Variants in PLXNA4 observed in about 807,000 individuals in gnomAD.
The protein encoded by PLXNA4 is plexin-A4.
In PLXNA4, 44 loss-of-function variants were observed where a neutral mutation model predicts 191.8. The ratio of observed to expected loss-of-function variants is 0.23; its 90% CI spans 0.18 to 0.29. The LOEUF (loss-of-function observed/expected upper bound fraction) is 0.29, where lower values mean the gene tolerates loss of function less well. PLXNA4 is among the 10% of genes least tolerant of loss of function. The pLI is 1.00. For missense variants in PLXNA4, 1,800 were observed against 2,488.8 expected, an observed-to-expected ratio of 0.72 and a Z score of 5.89; for synonymous variants, 1,082 against 1,009.5, an observed-to-expected ratio of 1.07 and a Z score of -1.36.
intron 9 of PLXNA4, among the ~76,000 whole-genome samples, chr7:132,215,703 A>C (rs1797942142): frequency 6.6e-6 from 1 of 152,130 alleles, no homozygotes; most frequent in African/African-American, 2.4e-5. Flanking sequence ...TGGTTTAATC[A>C]ATCATGCCTA....
intron 21 of PLXNA4, among the ~76,000 whole-genome samples, chr7:132,171,380 A>T (rs1796281001): frequency 6.6e-6 from 1 of 152,182 alleles, no homozygotes; most frequent in Non-Finnish European, 1.5e-5. Context: ...TTGGCTCCCA[A>T]GTGCCCGTTC....
chr7:132,648,615 C>T (rs920406392), exon 1 of PLXNA4: 1 of 152,190 alleles, frequency 6.6e-6, no homozygotes, highest in Non-Finnish European at 1.5e-5. Context: ...TGGGCTGTGT[C>T]CCAAAACGCT....
At chr7:132,203,476 G>T (rs1317014447) in intron 10 of PLXNA4, 57 bp from the exon 11 acceptor site, 1 of 1,485,338 alleles carries the variant, frequency 6.7e-7, no homozygotes, top group African/African-American at 1.4e-5. Flanking sequence ...GAGTTCTAGA[G>T]AGGGCCCAAA....
chr7:132,220,401 TCC>T (rs1289478023), intron 9 of PLXNA4, among the ~76,000 whole-genome samples: 1 of 152,178 alleles, frequency 6.6e-6, no homozygotes, highest in Non-Finnish European at 1.5e-5. Context: ...CATTAGAGCT[TCC>T]TTTTCTTAGA....
chr7:132,409,604 T>A (rs1794367383), intron 3 of PLXNA4, among the ~76,000 whole-genome samples: 1 of 152,116 alleles, frequency 6.6e-6, no homozygotes, highest in Non-Finnish European at 1.5e-5. Flanking sequence ...GGGGGTTAAT[T>A]GGATTTTTCA....
At chr7:132,385,915 C>T (rs1249610639) in intron 3 of PLXNA4, among the ~76,000 whole-genome samples, 2 of 152,236 alleles carry the variant, frequency 1.3e-5, no homozygotes, top group African/African-American at 4.8e-5. Flanking sequence ...GCTGGAATCA[C>T]ATCGTTTTTG....
At chr7:132,610,219 G>A (rs1487988035) in intron 2 of PLXNA4, among the ~76,000 whole-genome samples, 1 of 152,216 alleles carries the variant, frequency 6.6e-6, no homozygotes, top group Admixed American at 6.5e-5. Context: ...AAGATGGCAG[G>A]AGCCCCAGCC....
At position 132,125,544 on chromosome 7, in the gene PLXNA4, C is replaced by CTATT. The variant is rs1794744493; in HGVS notation, c.*4931_*4934dup. On this transcript the variant is annotated 3_prime_UTR_variant, in exon 32 of 32. Transcript: ENST00000321063. ...GCAGGGCTCCCTTCTTACTTTCGAACTATTAAGATATACAAACAAAAACCA... is the reference window on the plus strand; with the variant it reads ...GCAGGGCTCCCTTCTTACTTTCGAACTATTTATTAAGATATACAAACAAAAACCA... 6.6e-6 allele frequency: 1 copy of CTATT among 151,888 alleles called. No individual in the cohort carries two copies. Among genetic ancestry groups the CTATT allele is most frequent in the Non-Finnish European group, 1.5e-5 (1 of 67,984 alleles). 9.4% of individuals were successfully genotyped at this position (151,888 alleles called of 1,614,324 possible). A position where few individuals can be genotyped will look rare whatever the true frequency, so the allele number is the denominator to read the frequency against.
intron 1 of PLXNA4, among the ~76,000 whole-genome samples, chr7:132,559,535 T>A (rs561666987): frequency 6.6e-6 from 1 of 152,304 alleles, no homozygotes; most frequent in South Asian, 2.1e-4. Flanking sequence ...CCCTGCACTG[T>A]CTGGGGCCTC....
chr7:132,184,618 C>T (rs1425140162), intron 16 of PLXNA4, among the ~76,000 whole-genome samples: 1 of 152,172 alleles, frequency 6.6e-6, no homozygotes, highest in Non-Finnish European at 1.5e-5. Flanking sequence ...AGGAAGAGTA[C>T]CAATTTGCCC....
chr7:132,151,412 G>GAA (rs1562885135), intron 25 of PLXNA4, among the ~76,000 whole-genome samples: 71 of 5,266 alleles, frequency 0.013, 9 homozygotes, highest in African/African-American at 0.083. Context: ...GAGGAGGAAG[G>GAA]AGGAGGAGGA....
chr7:132,169,725 G>A (rs902100252), intron 21 of PLXNA4, among the ~76,000 whole-genome samples: 3 of 152,062 alleles, frequency 2.0e-5, no homozygotes, highest in Non-Finnish European at 2.9e-5. Flanking sequence ...ACTCCTGGGG[G>A]ACTGGCCATG....
chr7:132,274,372 T>A (rs1204502001), intron 4 of PLXNA4, among the ~76,000 whole-genome samples: 5 of 152,126 alleles, frequency 3.3e-5, no homozygotes, highest in African/African-American at 1.2e-4. Context: ...AGCTTCTATA[T>A]CCCCTTCCCC....
chr7:132,604,502 G>C (rs371615364), intron 2 of PLXNA4, among the ~76,000 whole-genome samples: 1 of 152,166 alleles, frequency 6.6e-6, no homozygotes, highest in African/African-American at 2.4e-5. Flanking sequence ...GCTTGTGCTG[G>C]TTTCGTTACA....
chr7:132,245,823 A>G (rs1347834387), intron 4 of PLXNA4, among the ~76,000 whole-genome samples: 1 of 152,238 alleles, frequency 6.6e-6, no homozygotes, highest in Non-Finnish European at 1.5e-5. Context: ...TAAGTGAAAT[A>G]AGCCAGACAT....
intron 3 of PLXNA4, among the ~76,000 whole-genome samples, chr7:132,470,508 C>T (rs1452152287): frequency 2.0e-5 from 3 of 152,110 alleles, no homozygotes; most frequent in Non-Finnish European, 4.4e-5. Context: ...AGAATCATGC[C>T]CCCTCCCCAA....
intron 3 of PLXNA4, among the ~76,000 whole-genome samples, chr7:132,450,519 C>G (rs1190915677): frequency 6.6e-6 from 1 of 152,162 alleles, no homozygotes; most frequent in Non-Finnish European, 1.5e-5. Flanking sequence ...CATTACTGTT[C>G]TATCAGCAGC....
chr7:132,235,933 A>C (rs1181504540), intron 5 of PLXNA4, among the ~76,000 whole-genome samples: 1 of 152,174 alleles, frequency 6.6e-6, no homozygotes, highest in Non-Finnish European at 1.5e-5. Context: ...CAAGGAATAA[A>C]GGCTCAAAAC....
chr7:132,134,498 A>G (rs1008566965), intron 30 of PLXNA4, among the ~76,000 whole-genome samples: 2 of 152,230 alleles, frequency 1.3e-5, no homozygotes, highest in Non-Finnish European at 2.9e-5. Flanking sequence ...GCTTTGAGCC[A>G]CAGTGGTACT....
Sources: allele counts gnomAD v4.1 joint callset (sites outside exome capture counted in the v4.1 genomes callset), GRCh38; gene constraint gnomAD v4.1.1; transcripts MANE v1.5; gene names NCBI Gene and HGNC (gene_info 2026-07-23, HGNC 2026-07-21).